QTMAN: variants seen among roughly 807,000 people sequenced by gnomAD.
QTMAN encodes tRNA-queuosine alpha-mannosyltransferase.
the QTMAN span, among the ~76,000 whole-genome samples, chr2:144,063,414 T>C: frequency 2.6e-5 from 4 of 152,198 alleles, no homozygotes; most frequent in Non-Finnish European, 5.9e-5. Context: ...TCATGGTCTT[T>C]GTGTTTTTAA....
the QTMAN span, among the ~76,000 whole-genome samples, chr2:144,270,023 G>A: frequency 6.6e-6 from 1 of 151,990 alleles, no homozygotes; most frequent in Non-Finnish European, 1.5e-5. Flanking sequence ...TATACTATAA[G>A]CTTAACAGAT....
the QTMAN span, among the ~76,000 whole-genome samples, chr2:144,201,095 G>T: frequency 6.6e-6 from 1 of 152,072 alleles, no homozygotes; most frequent in African/African-American, 2.4e-5. Context: ...ATAAAATGGG[G>T]AGAAAAAAAT....
chr2:143,982,510 C>T, the QTMAN span, among the ~76,000 whole-genome samples: 1 of 150,822 alleles, frequency 6.6e-6, no homozygotes, highest in East Asian at 2.0e-4. Flanking sequence ...GCTGGGATTA[C>T]AGGCATGAGC....
the QTMAN span, among the ~76,000 whole-genome samples, chr2:144,212,937 C>G: frequency 6.6e-6 from 1 of 152,012 alleles, no homozygotes; most frequent in Admixed American, 6.6e-5. Flanking sequence ...AATTTCATAC[C>G]ACTTCAAATT....
chr2:144,314,270 G>A, the QTMAN span, among the ~76,000 whole-genome samples: 1 of 152,148 alleles, frequency 6.6e-6, no homozygotes, highest in East Asian at 1.9e-4. Context: ...ACATTATGTT[G>A]AGGAAAAGAA....
chr2:143,960,571 T>C, the QTMAN span, among the ~76,000 whole-genome samples: 2 of 152,018 alleles, frequency 1.3e-5, no homozygotes, highest in Non-Finnish European at 2.9e-5. Flanking sequence ...GTGTTTTTAG[T>C]CAGCCTCACA....
the QTMAN span, among the ~76,000 whole-genome samples, chr2:144,097,428 G>C: frequency 6.6e-6 from 1 of 151,866 alleles, no homozygotes; most frequent in Non-Finnish European, 1.5e-5. Context: ...CACTCAGTGG[G>C]GGTTTTCACT....
At chr2:144,280,240 C>G in the QTMAN span, among the ~76,000 whole-genome samples, 5 of 152,174 alleles carry the variant, frequency 3.3e-5, no homozygotes, top group Non-Finnish European at 7.3e-5. Flanking sequence ...CTTTTATTTA[C>G]TAACAGACAA....
At chr2:144,225,325 T>G in the QTMAN span, among the ~76,000 whole-genome samples, 1 of 152,192 alleles carries the variant, frequency 6.6e-6, no homozygotes, top group Non-Finnish European at 1.5e-5. Flanking sequence ...ATCTTCAACA[T>G]GAGCTATTCA....
At chr2:144,143,795 G>T in the QTMAN span, among the ~76,000 whole-genome samples, 6 of 151,914 alleles carry the variant, frequency 3.9e-5, no homozygotes, top group Admixed American at 3.9e-4. Flanking sequence ...AAGTCAGAGG[G>T]TTAGTGAAAT....
At chr2:144,303,217 TTAC>T in the QTMAN span, among the ~76,000 whole-genome samples, 1 of 152,168 alleles carries the variant, frequency 6.6e-6, no homozygotes, top group African/African-American at 2.4e-5. Context: ...GGAAACGGTA[TTAC>T]CAAAGAAACA....
the QTMAN span, among the ~76,000 whole-genome samples, chr2:144,202,049 A>C: frequency 6.6e-6 from 1 of 152,202 alleles, no homozygotes; most frequent in African/African-American, 2.4e-5. Context: ...GCAGCTCAGA[A>C]GACCAGCAGG....
At chr2:144,046,246 G>C in the QTMAN span, among the ~76,000 whole-genome samples, 2 of 152,330 alleles carry the variant, frequency 1.3e-5, no homozygotes, top group East Asian at 3.9e-4. Flanking sequence ...AAAAGGCCAC[G>C]TTAATTTTAC....
the QTMAN span, among the ~76,000 whole-genome samples, chr2:144,284,983 G>A: frequency 6.6e-5 from 9 of 136,990 alleles, no homozygotes; most frequent in South Asian, 6.9e-4. Context: ...GAGCACTCCC[G>A]TAGTCCCAGA....
the QTMAN span, among the ~76,000 whole-genome samples, chr2:144,133,525 TAAATATATATAAAG>T: frequency 2.3e-3 from 215 of 95,460 alleles, no homozygotes; most frequent in African/African-American, 4.0e-3. Context: ...TATATATAAA[TAAATATATATAAAG>T]ATATAAAGAT....
At chr2:144,242,560 G>C in the QTMAN span, among the ~76,000 whole-genome samples, 119 of 152,310 alleles carry the variant, frequency 7.8e-4, 2 homozygotes, top group East Asian at 0.021. Flanking sequence ...TTAACATAAA[G>C]TTATTAGGAA....
At chr2:143,991,588 C>T in the QTMAN span, among the ~76,000 whole-genome samples, 67 of 145,476 alleles carry the variant, frequency 4.6e-4, no homozygotes, top group Non-Finnish European at 7.4e-4. Context: ...CCCGACCAGC[C>T]GCCTCGTCCG....
At chr2:144,204,300 G>GA in the QTMAN span, among the ~76,000 whole-genome samples, 2 of 151,934 alleles carry the variant, frequency 1.3e-5, no homozygotes, top group South Asian at 2.1e-4. Context: ...AAATTTACAA[G>GA]AAAAAAACAA....
the QTMAN span, among the ~76,000 whole-genome samples, chr2:144,222,586 C>G: frequency 6.6e-6 from 1 of 151,540 alleles, no homozygotes; most frequent in Admixed American, 6.6e-5. Context: ...GCGGGCGGAT[C>G]ACAAGGTCAG....
Sources: gnomAD v4.1 joint callset for allele counts (sites outside exome capture counted in the v4.1 genomes callset) on GRCh38, gnomAD v4.1.1 for gene constraint, MANE v1.5 for transcripts, NCBI Gene and HGNC (gene_info 2026-07-23, HGNC 2026-07-21) for gene names.